Variants in KIZ observed in about 807,000 individuals in gnomAD.
The protein encoded by KIZ is centrosomal protein kizuna.
A neutral mutation model predicts 79.6 loss-of-function variants in KIZ; 68 were observed. The observed-to-expected ratio is 0.85, with a 90% CI of 0.70 to 1.05. KIZ has a LOEUF of 1.05. Among genes scored for constraint, KIZ ranks in the 50% least tolerant of loss-of-function variants. KIZ has a pLI of 0.00. For synonymous variants in KIZ, 280 were observed against 281.8 expected (o/e 0.99, Z 0.06); for missense variants, 797 against 800.4 (o/e 1.00, Z 0.05).
At chr20:21,223,114 G>GT in intron 9 of KIZ, among the ~76,000 whole-genome samples, 1 of 152,254 alleles carries the variant, frequency 6.6e-6, no homozygotes, top group East Asian at 1.9e-4. Flanking sequence ...AAAATATACT[G>GT]TTTTTTAAAA....
intron 11 of KIZ, among the ~76,000 whole-genome samples, chr20:21,233,207 G>T (rs900166131): frequency 6.6e-6 from 1 of 152,160 alleles, no homozygotes; most frequent in Non-Finnish European, 1.5e-5. Context: ...TTTTTGTGAT[G>T]GCTAATATAT....
In KIZ at chr20:21,136,370, A is replaced by T. The variant is rs553201670; in HGVS notation, c.153-20A>T. On this transcript the variant is annotated intron_variant, in intron 2 of 12. Coordinates refer to ENST00000619189, the MANE Select transcript of KIZ (RefSeq NM_018474.6). ...GTCCAAGTCTAGTCCATTGTTTTAA[A>T]ACTGCTTTTAATTTTCTAGAGTTAA... 1.4e-6 allele frequency: 2 copies of T among 1,401,962 alleles called. No homozygotes were observed. The highest frequency in any genetic ancestry group is 4.4e-5 in the Admixed American group (2 of 45,708). The allele number at this position is 1,401,962 out of a possible 1,614,324, so 86.8% of individuals were successfully genotyped here. A position where few individuals can be genotyped will look rare whatever the true frequency, so the allele number is the denominator to read the frequency against.
At chr20:21,149,298 A>G (rs919325988) in intron 4 of KIZ, among the ~76,000 whole-genome samples, 1 of 152,162 alleles carries the variant, frequency 6.6e-6, no homozygotes, top group African/African-American at 2.4e-5. Context: ...ACAACTTTAA[A>G]TACTGCATTT....
At chr20:21,169,445 A>T (rs2034104609) in intron 6 of KIZ, among the ~76,000 whole-genome samples, 2 of 152,182 alleles carry the variant, frequency 1.3e-5, no homozygotes, top group Admixed American at 1.3e-4. Flanking sequence ...GCTGGAGAGG[A>T]TGTGGAGAAA....
intron 11 of KIZ, among the ~76,000 whole-genome samples, chr20:21,242,843 C>T (rs1362168539): frequency 1.3e-5 from 2 of 152,252 alleles, no homozygotes; most frequent in African/African-American, 4.8e-5. Context: ...AATCACCTGC[C>T]ACAGTGCTCT....
In KIZ at chr20:21,205,546, G is replaced by C; in HGVS notation, c.1408G>C (p.Ala470Pro). The change falls in exon 7 of 13, where the codon GCC (alanine) becomes CCC (proline). Residue 470 changes from alanine to proline, a missense_variant. Transcript: ENST00000619189. ...GAGGGCACAGGTGGGTCAGCATGTT[G>C]CCACCTTGAAAGAACATGATAATTC... is the stretch of plus-strand genomic sequence containing the variant. ...VPRAQVGQHV[A>P]TLKEHDNSVK... is the part of the protein sequence containing the mutation. The C allele has an allele frequency of 6.4e-7, 1 of 1,566,950 alleles. No homozygotes were observed. The highest frequency in any genetic ancestry group is 8.7e-7 in the Non-Finnish European group (1 of 1,148,734).
intron 6 of KIZ, among the ~76,000 whole-genome samples, chr20:21,182,878 T>A (rs1040236466): frequency 1.3e-5 from 2 of 152,108 alleles, no homozygotes; most frequent in African/African-American, 4.8e-5. Context: ...TCTCTGCTCT[T>A]TATCTCTTTA....
At chr20:21,191,608 C>T (rs2035108038) in intron 6 of KIZ, among the ~76,000 whole-genome samples, 1 of 152,142 alleles carries the variant, frequency 6.6e-6, no homozygotes, top group South Asian at 2.1e-4. Context: ...CTCATTGATC[C>T]TCACAGAGGC....
At chr20:21,219,172 C>T (rs1360838471) in intron 9 of KIZ, among the ~76,000 whole-genome samples, 4 of 89,610 alleles carry the variant, frequency 4.5e-5, no homozygotes, top group Non-Finnish European at 4.9e-5. Flanking sequence ...TGAGGAGCTG[C>T]CATATACCAG....
chr20:21,226,927 TG>T (rs2036674871), intron 9 of KIZ, among the ~76,000 whole-genome samples: 1 of 152,018 alleles, frequency 6.6e-6, no homozygotes, highest in Non-Finnish European at 1.5e-5. Context: ...TCTGGTTGCG[TG>T]GGGCAGGAGA....
At chr20:21,174,998 C>G (rs186634169) in intron 6 of KIZ, among the ~76,000 whole-genome samples, 2 of 152,348 alleles carry the variant, frequency 1.3e-5, no homozygotes, top group Admixed American at 1.3e-4. Flanking sequence ...GATGTCTGTT[C>G]TCAGCTGTCT....
At chr20:21,204,171 A>G (rs1465407246) in intron 6 of KIZ, among the ~76,000 whole-genome samples, 1 of 118,302 alleles carries the variant, frequency 8.5e-6, no homozygotes, top group Admixed American at 1.2e-4. Context: ...GCTGGAGTGC[A>G]GTGGCGGGAT....
rs376694887 is a variant in KIZ at position 21,160,165 on chromosome 20, C to G, written c.406-1706C>G. ...CTCCTTCGCAGTTCCTCAGTGTGGT[C>G]GGTCCAGATAACCTGCCTTACACAG... is the stretch of plus-strand genomic sequence containing the variant. On this transcript the variant is annotated intron_variant, in intron 4 of 12. Coordinates refer to ENST00000619189, the MANE Select transcript of KIZ (RefSeq NM_018474.6). Among the ~76,000 whole-genome samples the G allele has an allele frequency of 1.6e-4, 24 of 152,294 alleles. No homozygotes were observed. The South Asian group carries it at 4.3e-3, about 28-fold the overall frequency.
chr20:21,193,834 A>G (rs1305639053), intron 6 of KIZ, among the ~76,000 whole-genome samples: 11 of 121,318 alleles, frequency 9.1e-5, no homozygotes, highest in Non-Finnish European at 1.1e-4. Flanking sequence ...GAAGGGGAAC[A>G]TCACACACTG....
intron 6 of KIZ, among the ~76,000 whole-genome samples, chr20:21,173,452 C>T (rs1018552533): frequency 1.3e-5 from 2 of 151,842 alleles, no homozygotes; most frequent in Admixed American, 6.6e-5. Flanking sequence ...GTGGCGGGTG[C>T]CTGTAATCCC....
intron 3 of KIZ, among the ~76,000 whole-genome samples, chr20:21,142,789 T>TTAAATAAATAAA (rs1431186234): frequency 2.2e-5 from 1 of 46,176 alleles, no homozygotes; most frequent in African/African-American, 1.7e-4. Flanking sequence ...AGCCCTTGTC[T>TTAAATAAATAAA]CAAATAAATA....
Position 21,229,116 on chromosome 20 carries a change from G to C in KIZ, c.1783+1G>C. On this transcript the variant is annotated splice_donor_variant, in intron 10 of 12. Coordinates refer to ENST00000619189, the MANE Select transcript of KIZ (RefSeq NM_018474.6). LOFTEE classifies it high-confidence loss of function. ...GATGCTTCTGTGTCACACTTGTCAGGTAAGTAAGAGCAGATGGCAGTGTCC... is the reference window on the plus strand; with the variant it reads ...GATGCTTCTGTGTCACACTTGTCAGCTAAGTAAGAGCAGATGGCAGTGTCC... The C allele has an allele frequency of 6.3e-7, 1 of 1,574,914 alleles. No individual in the cohort carries two copies. The highest frequency in any genetic ancestry group is 1.1e-5 in the South Asian group (1 of 89,290).
At position 21,126,203 on chromosome 20, in the gene KIZ, A is replaced by C; in HGVS notation, c.88A>C (p.Ser30Arg). 6.9e-7 allele frequency: 1 copy of C among 1,453,696 alleles called. No homozygotes were observed. The allele number at this position is 1,453,696 out of a possible 1,614,324, so 90.0% of individuals were successfully genotyped here. The change falls in exon 1 of 13, where the codon AGT (serine) becomes CGT (arginine). Residue 30 changes from serine (S) to arginine (R), a missense_variant and splice_region_variant. Physicochemically the swap from Ser to Arg is moderately radical, Grantham distance 110. Transcript: ENST00000619189. ...LGQLQHGLRDSEKKRLDLEKK... is the reference protein window; with the variant it reads ...LGQLQHGLRDREKKRLDLEKK... ...CCAACTCCAGCACGGGCTGCGGGAC[A>C]GGTAAGGGCACTGGGGCGGGGGTGG...
At chr20:21,162,556 A>T (rs1324944530) in intron 5 of KIZ, 49 bp downstream of exon 5, 1 of 1,428,402 alleles carries the variant, frequency 7.0e-7, no homozygotes, top group South Asian at 1.3e-5. Flanking sequence ...GGTGGTAGTG[A>T]TCTTATGTAA....
Sources: gnomAD v4.1 joint callset for allele counts (sites outside exome capture counted in the v4.1 genomes callset) on GRCh38, gnomAD v4.1.1 for gene constraint, MANE v1.5 for transcripts, NCBI Gene and HGNC (gene_info 2026-07-23, HGNC 2026-07-21) for gene names.